The following FREM1 variants were observed in gnomAD, a reference collection of about 807,000 sequenced individuals.
FREM1 encodes FRAS1-related extracellular matrix protein 1.
A neutral mutation model predicts 210.1 loss-of-function variants in FREM1; 220 were observed. That is an observed-to-expected ratio of 1.05 (90% CI 0.94 to 1.17). The LOEUF (loss-of-function observed/expected upper bound fraction) is 1.17, where lower values mean the gene tolerates loss of function less well. Ranked by LOEUF, FREM1 falls within the 50% of genes most tolerant of loss-of-function variation. The probability of loss-of-function intolerance (pLI) is 0.00; values close to 1 mark genes in which losing one functional copy is unlikely to be tolerated. For missense variants in FREM1, 3,454 were observed against 2,675.5 expected (o/e 1.29, Z -6.42); for synonymous variants, 1,189 against 980.2 (o/e 1.21, Z -3.98).
intron 29 of FREM1, among the ~76,000 whole-genome samples, chr9:14,754,853 G>C (rs926698290): frequency 3.3e-4 from 50 of 152,196 alleles, no homozygotes; most frequent in African/African-American, 1.2e-3. Context: ...ATAATTGCTT[G>C]AACCCAGGAG....
chr9:14,843,420 A>G (rs561911690), intron 8 of FREM1, among the ~76,000 whole-genome samples: 2 of 152,194 alleles, frequency 1.3e-5, no homozygotes, highest in African/African-American at 4.8e-5. Context: ...CTGGTTCTCC[A>G]ACAGCCTAAC....
chr9:14,759,697 T>TA (rs939426663), intron 28 of FREM1, 75 bp downstream of exon 28: 74 of 1,346,816 alleles, frequency 5.5e-5, no homozygotes, highest in Middle Eastern at 1.9e-4. Context: ...TGAATTTTTC[T>TA]AAAAAAAATA....
At chr9:14,754,192 G>C (rs1256542334) in intron 29 of FREM1, among the ~76,000 whole-genome samples, 2 of 152,196 alleles carry the variant, frequency 1.3e-5, no homozygotes, top group Non-Finnish European at 2.9e-5. Context: ...AAAGACTCAA[G>C]AAATGGAAAA....
intron 23 of FREM1, 106 bp downstream of exon 23, chr9:14,788,813 G>A: frequency 1.1e-6 from 1 of 890,930 alleles, no homozygotes; most frequent in Non-Finnish European, 1.7e-6. Context: ...AGAGTGGCAG[G>A]AAAAAAGGAA....
intron 35 of FREM1, among the ~76,000 whole-genome samples, chr9:14,743,109 T>C (rs1407457212): frequency 1.3e-5 from 2 of 152,134 alleles, no homozygotes; most frequent in Non-Finnish European, 2.9e-5. Flanking sequence ...CAAGGAGGCA[T>C]GTAGAACTAC....
intron 5 of FREM1, among the ~76,000 whole-genome samples, chr9:14,853,174 G>A (rs558769066): frequency 1.3e-5 from 2 of 152,318 alleles, no homozygotes; most frequent in African/African-American, 2.4e-5. Flanking sequence ...AGCTGATGCA[G>A]GGCTCATATC....
intron 10 of FREM1, among the ~76,000 whole-genome samples, chr9:14,838,147 A>G (rs934123074): frequency 2.0e-5 from 3 of 152,222 alleles, no homozygotes; most frequent in Non-Finnish European, 4.4e-5. Context: ...TTCAAAAGGA[A>G]TTCTCATCAT....
intron 28 of FREM1, among the ~76,000 whole-genome samples, chr9:14,757,917 C>A (rs1344697067): frequency 6.6e-6 from 1 of 152,200 alleles, no homozygotes; most frequent in East Asian, 1.9e-4. Flanking sequence ...GAAAAGGCAG[C>A]CCATTATACA....
chr9:14,876,671 G>A (rs1451746759), intron 1 of FREM1, among the ~76,000 whole-genome samples: 9 of 152,104 alleles, frequency 5.9e-5, no homozygotes, highest in Admixed American at 5.9e-4. Flanking sequence ...CTCAAGCACA[G>A]TGCGCTGCAC....
chr9:14,757,273 G>A (rs2132198924), intron 28 of FREM1, among the ~76,000 whole-genome samples: 1 of 152,314 alleles, frequency 6.6e-6, no homozygotes, highest in African/African-American at 2.4e-5. Flanking sequence ...AAGTGTCCTT[G>A]AGCCGGCACG....
chr9:14,840,871 TA>T (rs1825562397), intron 10 of FREM1, among the ~76,000 whole-genome samples: 1 of 152,268 alleles, frequency 6.6e-6, no homozygotes. Context: ...TCTACACATT[TA>T]AATTATATCC....
chr9:14,776,143 A>C lies in FREM1; in HGVS notation c.4503T>G (p.Thr1501=), dbSNP rs778589118. 6.3e-7 allele frequency: 1 copy of C among 1,575,548 alleles called. No individual in the cohort carries two copies. The highest frequency in any genetic ancestry group is 1.3e-5 in the African/African-American group (1 of 74,276). ...TTACCACAGGCAGGGCTCTGTCCAC[A>C]GTCTCCAGTGTGATCTCAAACACCC... ...EHGVFEITLE[T]VDRALPVVTR... The change falls in exon 25 of 37, where the codon ACT becomes ACG. Residue 1501 remains threonine, a synonymous_variant. Transcript: ENST00000380880.
At chr9:14,816,962 C>T (rs1378165675) in intron 14 of FREM1, 91 bp from the exon 15 acceptor site, 1 of 420,070 alleles carries the variant, frequency 2.4e-6, no homozygotes, top group Non-Finnish European at 4.2e-6. Flanking sequence ...AGGCTTTGGC[C>T]ATGTGTTCAC....
In FREM1 at chr9:14,857,752, A is replaced by C. The variant is rs961253589; in HGVS notation, c.632-3T>G. ...ACACTTCAGTTTTGCTCTCAGTTCT[A>C]GAATGTACAGCACTGGATTAAGAGA... On this transcript the variant is annotated splice_region_variant and splice_polypyrimidine_tract_variant and intron_variant, in intron 4 of 36. Transcript: ENST00000380880. 1.3e-6 allele frequency: 2 copies of C among 1,590,398 alleles called. No homozygotes were observed. The highest frequency in any genetic ancestry group is 1.7e-6 in the Non-Finnish European group (2 of 1,168,214).
At chr9:14,793,138 T>C (rs1349955795) in intron 21 of FREM1, among the ~76,000 whole-genome samples, 6 of 152,212 alleles carry the variant, frequency 3.9e-5, no homozygotes. Context: ...TGATTACATG[T>C]ACCAAACTTT....
chr9:14,796,030 T>C (rs764171399), intron 21 of FREM1, among the ~76,000 whole-genome samples: 18 of 152,160 alleles, frequency 1.2e-4, no homozygotes, highest in Non-Finnish European at 1.6e-4. Flanking sequence ...AATAAGAAAA[T>C]AGAAATTTTT....
chr9:14,761,177 G>A (rs11790664), intron 27 of FREM1, among the ~76,000 whole-genome samples: 21,050 of 152,162 alleles, frequency 0.14, 1,756 homozygotes, highest in Admixed American at 0.21. Flanking sequence ...ATATTAGGGA[G>A]GAAGTTTGTC....
At chr9:14,875,245 T>A (rs1833476241) in intron 1 of FREM1, among the ~76,000 whole-genome samples, 1 of 152,206 alleles carries the variant, frequency 6.6e-6, no homozygotes, top group Admixed American at 6.5e-5. Context: ...TTTTCCTGGA[T>A]AATATCTTGC....
intron 1 of FREM1, among the ~76,000 whole-genome samples, chr9:14,887,747 T>C (rs995182995): frequency 2.0e-5 from 3 of 152,228 alleles, no homozygotes; most frequent in African/African-American, 7.2e-5. Flanking sequence ...GCTACATTCT[T>C]CCTATGCATC....
Sources: gnomAD v4.1 joint callset for allele counts (sites outside exome capture counted in the v4.1 genomes callset) on GRCh38, gnomAD v4.1.1 for gene constraint, MANE v1.5 for transcripts, NCBI Gene and HGNC (gene_info 2026-07-23, HGNC 2026-07-21) for gene names.